SPTB: variants seen among roughly 807,000 people sequenced by gnomAD.
SPTB encodes spectrin beta, erythrocytic.
In SPTB, 45 loss-of-function variants were observed where a neutral mutation model predicts 256.2. The observed-to-expected ratio is 0.18, with a 90% CI of 0.14 to 0.23. SPTB has a LOEUF of 0.23. SPTB is among the 10% of genes least tolerant of loss of function. The probability of loss-of-function intolerance (pLI) is 1.00; values close to 1 mark genes in which losing one functional copy is unlikely to be tolerated. For synonymous variants in SPTB, 1,231 were observed against 1,243.1 expected, an observed-to-expected ratio of 0.99 and a Z score of 0.21; for missense variants, 2,715 against 3,040.4, an observed-to-expected ratio of 0.89 and a Z score of 2.52.
intron 27 of SPTB, 43 bp downstream of exon 27, chr14:64,770,842 G>A (rs769650006): frequency 7.7e-5 from 125 of 1,613,244 alleles, no homozygotes; most frequent in Non-Finnish European, 1.0e-4. Context: ...GGCTCCTCTG[G>A]CCTGGAGAGG....
intron 15 of SPTB, among the ~76,000 whole-genome samples, chr14:64,791,338 T>A (rs1352502534): frequency 2.0e-5 from 3 of 151,536 alleles, no homozygotes; most frequent in Non-Finnish European, 4.4e-5. Flanking sequence ...GAGGCCGAGG[T>A]GGGCAGATCG....
intron 1 of SPTB, among the ~76,000 whole-genome samples, chr14:64,879,419 G>T (rs1397350922): frequency 6.6e-6 from 1 of 152,222 alleles, no homozygotes; most frequent in Non-Finnish European, 1.5e-5. Flanking sequence ...GGCTAGAGGC[G>T]CAATCCCCTT....
At position 64,760,962 on chromosome 14, in the gene SPTB, G is replaced by A. The variant is rs2082085216; in HGVS notation, c.6345+5764C>T. Among the ~76,000 whole-genome samples, 1 of 152,222 alleles carries A rather than the reference G, an allele frequency of 6.6e-6. No individual in the cohort carries two copies. The highest frequency in any genetic ancestry group is 2.4e-5 in the African/African-American group (1 of 41,458). ...CTCCAGAGGAAAGCACCTGCCCGAT[G>A]GGGTTCACAGTCTAAATGAGATGAT... On this transcript the variant is annotated intron_variant, in intron 32 of 35. Transcript: ENST00000644917. The surrounding 1 kb of genome is among the most constrained non-coding windows in gnomAD (Gnocchi z 4.3).
chr14:64,859,897 T>C (rs1314923718), intron 1 of SPTB, among the ~76,000 whole-genome samples: 1 of 150,942 alleles, frequency 6.6e-6, no homozygotes, highest in Non-Finnish European at 1.5e-5. Flanking sequence ...TGTATTACAT[T>C]TGTGATCAGA....
Position 64,764,255 on chromosome 14 carries a change from GT to G in SPTB, c.6345+2470del, listed in dbSNP as rs2082134251. On this transcript the variant is annotated intron_variant, in intron 32 of 35. Transcript: ENST00000644917. The surrounding 1 kb of genome is among the most constrained non-coding windows in gnomAD (Gnocchi z 4.2). Reference sequence around the variant, plus strand: ...CTTGCAAGGAGCCTTCTAGAGCCAGGTTGGGCTTTCCCGACAGGCTCTGTCC... The same window carrying G: ...CTTGCAAGGAGCCTTCTAGAGCCAGGTGGGCTTTCCCGACAGGCTCTGTCC... 6.6e-6 allele frequency among the ~76,000 whole-genome samples: 1 copy of G among 152,238 alleles called. No homozygotes were observed. Among genetic ancestry groups the G allele is most frequent in the African/African-American group, 2.4e-5 (1 of 41,458 alleles).
At chr14:64,822,370 TCTCTCA>T (rs2083305419) in intron 2 of SPTB, among the ~76,000 whole-genome samples, 1 of 1,476 alleles carries the variant, frequency 6.8e-4, no homozygotes. Context: ...TCTCTCTCTC[TCTCTCA>T]CACACACACA....
chr14:64,805,241 G>A, intron 2 of SPTB, 151 bp from the exon 3 acceptor site: 1 of 855,394 alleles, frequency 1.2e-6, no homozygotes, highest in Non-Finnish European at 1.9e-6. Context: ...TGGAGCATTT[G>A]CCATCAAGGT....
chr14:64,803,442 C>G (rs1266802075), intron 4 of SPTB, among the ~76,000 whole-genome samples, 165 bp downstream of exon 4: 1 of 152,180 alleles, frequency 6.6e-6, no homozygotes, highest in Non-Finnish European at 1.5e-5. Flanking sequence ...TGGGGTGATA[C>G]AGAAGATGGT....
In SPTB at chr14:64,770,989, C is replaced by A. The variant is rs2139495198; in HGVS notation, c.5694G>T (p.Gln1898His). ...GGAATTTATCCGCCGTGTCCACTAG[C>A]TGGGTCCGGCGCCCGGCACAGGCAT... is the stretch of plus-strand genomic sequence containing the variant. ...LLDACAGRRT[Q>H]LVDTADKFRF... The change falls in exon 27 of 36, where the codon CAG becomes CAT. Residue 1898 changes from glutamine to histidine, a missense_variant. Physicochemically the swap from Gln to His is conservative, Grantham distance 24. Around this residue, in one of 4 missense-constraint regions of SPTB, gnomAD observed 2,239 missense variants for 2,384.4 expected, o/e 0.94. Coordinates refer to ENST00000644917, the MANE Select transcript of SPTB (RefSeq NM_001355436.2). The A allele has an allele frequency of 6.2e-7, 1 of 1,614,050 alleles. No individual in the cohort carries two copies. Among genetic ancestry groups the A allele is most frequent in the East Asian group, 2.2e-5 (1 of 44,900 alleles).
In SPTB at chr14:64,792,427, A is replaced by G. The variant is rs773150890; in HGVS notation, c.2666+570T>C. On this transcript the variant is annotated intron_variant, in intron 14 of 35. Coordinates refer to ENST00000644917, the MANE Select transcript of SPTB (RefSeq NM_001355436.2). This position sits in a 1 kb window ranked among gnomAD's most constrained non-coding sequence, Gnocchi z 4.2. ...TGCAGCACCACCTTGGCACTGTTCCAGAGAGCGGCCTCTCCTTCTCCTGAC... is the reference window on the plus strand; with the variant it reads ...TGCAGCACCACCTTGGCACTGTTCCGGAGAGCGGCCTCTCCTTCTCCTGAC... Among the ~76,000 whole-genome samples the G allele has an allele frequency of 1.3e-5, 2 of 152,218 alleles. No individual in the cohort carries two copies. The highest frequency in any genetic ancestry group is 2.9e-5 in the Non-Finnish European group (2 of 68,028).
At position 64,804,995 on chromosome 14, in the gene SPTB, G is replaced by A; in HGVS notation, c.244C>T (p.Leu82=). ...TTGATGAGCATGCGCCCATCCCGCA[G>A]GTCCTTGTAGAGATCGGTGATGCGG... ...SCRITDLYKD[L]RDGRMLIKLL... Residue 82 remains leucine (L), a synonymous_variant, in exon 3 of 36, where the codon CTG becomes TTG. Transcript: ENST00000644917. 1 of 1,614,182 alleles carries A rather than the reference G, an allele frequency of 6.2e-7. No homozygotes were observed.
rs1014554851 is a variant in SPTB at position 64,866,710 on chromosome 14, T to G, written c.-52+13082A>C. 6.6e-6 allele frequency among the ~76,000 whole-genome samples: 1 copy of G among 152,094 alleles called. No homozygotes were observed. Among genetic ancestry groups the G allele is most frequent in the Non-Finnish European group, 1.5e-5 (1 of 68,016 alleles). On this transcript the variant is annotated intron_variant, in intron 1 of 35. Transcript: ENST00000644917. This position sits in a 1 kb window ranked among gnomAD's most constrained non-coding sequence, Gnocchi z 4.6. The stretch of plus-strand genomic sequence containing the variant: ...GAGTCCAGCCGTTGGTGAGGCTCAC[T>G]TTTTGTCCGGGTAAGGCAGAAATGA...
chr14:64,749,721 C>A lies in SPTB; in HGVS notation c.6777-25G>T. The A allele has an allele frequency of 6.2e-7, 1 of 1,612,378 alleles. No individual in the cohort carries two copies. Among genetic ancestry groups the A allele is most frequent in the Non-Finnish European group, 8.5e-7 (1 of 1,179,306 alleles). ...CCTAGGAGGACAAAGGGTTTCCTGT[C>A]ATGGAGACACCTCTGGAGGGGGCGC... On this transcript the variant is annotated intron_variant, in intron 34 of 35. Transcript: ENST00000644917. The surrounding 1 kb of genome is among the most constrained non-coding windows in gnomAD (Gnocchi z 4.7).
rs774798643 is a variant in SPTB at position 64,753,522 on chromosome 14, C to T, written c.6602+15G>A. ...GCCCAACCTACCCTCAGCCAGCAGC[C>T]TCTCCCGCACTCACCTGTTGGAAGC... On this transcript the variant is annotated intron_variant, in intron 33 of 35. Transcript: ENST00000644917. 1.2e-6 allele frequency: 2 copies of T among 1,613,322 alleles called. No homozygotes were observed. The highest frequency in any genetic ancestry group is 1.7e-6 in the Non-Finnish European group (2 of 1,179,996).
chr14:64,776,430 A>C (rs940225372), intron 22 of SPTB, among the ~76,000 whole-genome samples: 3 of 152,134 alleles, frequency 2.0e-5, no homozygotes, highest in African/African-American at 7.2e-5. Flanking sequence ...TGACCTCTGC[A>C]TGGTGCCCTA....
intron 20 of SPTB, among the ~76,000 whole-genome samples, chr14:64,780,445 C>T (rs2082449483): frequency 6.6e-6 from 1 of 152,168 alleles, no homozygotes; most frequent in South Asian, 2.1e-4. Context: ...TGGAGTTTTG[C>T]TCTTGTTGCC....
intron 26 of SPTB, 80 bp from the exon 27 acceptor site, chr14:64,771,209 ACCT>A (rs2082274279): frequency 6.3e-7 from 1 of 1,598,790 alleles, no homozygotes; most frequent in African/African-American, 1.3e-5. Context: ...AAGGGCAGCT[ACCT>A]CCTCCTGGCC....
In SPTB at chr14:64,748,106, A is replaced by G. The variant is rs527315845; in HGVS notation, c.*1200T>C. On this transcript the variant is annotated 3_prime_UTR_variant, in exon 36 of 36. Transcript: ENST00000644917. The stretch of plus-strand genomic sequence containing the variant: ...GCTGATCAAGGGGTACCACACCTTC[A>G]TGGCTCTGGCCCTGACATTTGTCCC... 252 of 152,306 alleles carry G rather than the reference A, an allele frequency of 1.7e-3. 1 individual carries two copies. The highest frequency in any genetic ancestry group is 1.9e-3 in the Non-Finnish European group (131 of 68,070). The allele number at this position is 152,306 out of a possible 1,614,324, so 9.4% of individuals were successfully genotyped here. A position where few individuals can be genotyped will look rare whatever the true frequency, so the allele number is the denominator to read the frequency against.
chr14:64,850,009 GC>G (rs1028538656), intron 1 of SPTB, among the ~76,000 whole-genome samples: 1 of 152,162 alleles, frequency 6.6e-6, no homozygotes, highest in African/African-American at 2.4e-5. Context: ...TCAAAGGATA[GC>G]CCCCAGTATG....
Sources: gnomAD v4.1 joint callset for allele counts (sites outside exome capture counted in the v4.1 genomes callset) on GRCh38, gnomAD v4.1.1 for gene constraint, gnomAD v4.1.1 regional missense constraint, Gnocchi (gnomAD v3.1) non-coding constraint, MANE v1.5 for transcripts, NCBI Gene and HGNC (gene_info 2026-07-23, HGNC 2026-07-21) for gene names.